PATJ: variants seen among roughly 807,000 people sequenced by gnomAD.
The protein encoded by PATJ is inaD-like protein.
PATJ carries 190 observed loss-of-function variants against 224.9 expected under a neutral mutation model. The ratio of observed to expected loss-of-function variants is 0.84; its 90% CI spans 0.75 to 0.95. PATJ has a LOEUF of 0.95. Among genes scored for constraint, PATJ ranks in the 40% least tolerant of loss-of-function variants. The pLI is 0.00. For synonymous variants in PATJ, 769 were observed against 820.3 expected (o/e 0.94, Z 1.07); for missense variants, 2,121 against 2,270.3 (o/e 0.93, Z 1.34).
intron 3 of PATJ, among the ~76,000 whole-genome samples, chr1:61,763,706 C>T (rs1646099830): frequency 6.6e-6 from 1 of 152,028 alleles, no homozygotes; most frequent in Admixed American, 6.6e-5. Flanking sequence ...GTCACTGAGG[C>T]GGGAGTGCAG....
At chr1:62,006,968 T>G (rs780031222) in intron 28 of PATJ, among the ~76,000 whole-genome samples, 14 of 152,232 alleles carry the variant, frequency 9.2e-5, no homozygotes, top group Non-Finnish European at 2.9e-5. Flanking sequence ...GTTACTGTAC[T>G]GAATACTGTA....
chr1:61,948,240 A>G (rs1240607086), intron 27 of PATJ, among the ~76,000 whole-genome samples: 3 of 152,310 alleles, frequency 2.0e-5, no homozygotes, highest in South Asian at 2.1e-4. Flanking sequence ...AAGAGCTTCT[A>G]CACAGCAAAA....
chr1:62,041,983 T>G (rs917140762), intron 30 of PATJ, among the ~76,000 whole-genome samples: 1 of 151,002 alleles, frequency 6.6e-6, no homozygotes, highest in Middle Eastern at 3.3e-3. Flanking sequence ...AAAGACTCCA[T>G]CTCAAAAATA....
At chr1:62,115,409 G>A (rs957627055) in intron 35 of PATJ, among the ~76,000 whole-genome samples, 1 of 151,946 alleles carries the variant, frequency 6.6e-6, no homozygotes, top group African/African-American at 2.4e-5. Context: ...GAGTTGGGAG[G>A]ATCGCTTGAG....
In PATJ at chr1:61,775,858, GA is replaced by G. The variant is rs1318995195; in HGVS notation, c.849+527del. On this transcript the variant is annotated intron_variant, in intron 7 of 43. Coordinates refer to ENST00000642238, the MANE Select transcript of PATJ (RefSeq NM_001350145.3). ...TGTTTCTGCTTAATTTTATATTGAA[GA>G]AATGTTAATTACTACATTTAGTTTT... Among the ~76,000 whole-genome samples the G allele has an allele frequency of 5.9e-4, 90 of 152,230 alleles. 1 individual carries two copies. The highest frequency in any genetic ancestry group is 2.0e-3 in the African/African-American group (85 of 41,548).
intron 39 of PATJ, among the ~76,000 whole-genome samples, chr1:62,124,444 C>A (rs750400821): frequency 6.6e-6 from 1 of 152,128 alleles, no homozygotes; most frequent in African/African-American, 2.4e-5. Context: ...GAAATAATGA[C>A]CCTGTTGTAA....
intron 29 of PATJ, among the ~76,000 whole-genome samples, chr1:62,032,866 G>A (rs1262099898): frequency 1.3e-5 from 2 of 152,074 alleles, no homozygotes; most frequent in Non-Finnish European, 2.9e-5. Context: ...TAATCACGGC[G>A]CAAGGGGAAG....
Position 62,106,158 on chromosome 1 carries a change from G to GTGTGTATATA in PATJ, c.4378-2278_4378-2277insGTGTATATAT, listed in dbSNP as rs1356937495. Among the ~76,000 whole-genome samples the GTGTGTATATA allele has an allele frequency of 8.9e-4, 43 of 48,060 alleles. 2 individuals are homozygous for GTGTGTATATA. The highest frequency in any genetic ancestry group is 1.3e-3 in the African/African-American group (18 of 14,188). 31.5% of individuals were successfully genotyped at this position (48,060 alleles called of 152,430 possible). Reference sequence around the variant, plus strand: ...TACATGTGTATATGTGTGTGTGTGTGTATATATATATATATATATATATAT... The same window carrying GTGTGTATATA: ...TACATGTGTATATGTGTGTGTGTGTGTGTGTATATATATATATATATATATATATATATAT... On this transcript the variant is annotated intron_variant, in intron 33 of 43. Transcript: ENST00000642238.
chr1:61,924,618 A>G (rs1674836071), intron 26 of PATJ, among the ~76,000 whole-genome samples: 1 of 152,204 alleles, frequency 6.6e-6, no homozygotes, highest in Non-Finnish European at 1.5e-5. Context: ...TATTTTCTGG[A>G]AACTCTGGGA....
intron 1 of PATJ, among the ~76,000 whole-genome samples, chr1:61,757,797 G>A (rs79317682): frequency 0.025 from 3,847 of 152,214 alleles, 148 homozygotes; most frequent in African/African-American, 0.087. Context: ...AGTAGTCTCT[G>A]TTACTACATT....
At chr1:62,155,840 G>A (rs899377590) in intron 43 of PATJ, among the ~76,000 whole-genome samples, 6 of 148,882 alleles carry the variant, frequency 4.0e-5, no homozygotes, top group African/African-American at 1.5e-4. Flanking sequence ...GGCAGATCAC[G>A]AGGTCCGGAG....
At chr1:61,851,081 T>C (rs1390881687) in intron 17 of PATJ, among the ~76,000 whole-genome samples, 1 of 152,170 alleles carries the variant, frequency 6.6e-6, no homozygotes, top group Non-Finnish European at 1.5e-5. Flanking sequence ...AGCAAACACA[T>C]TCTTGGTCTC....
At chr1:62,032,511 A>C (rs1055174467) in intron 29 of PATJ, among the ~76,000 whole-genome samples, 21 of 152,146 alleles carry the variant, frequency 1.4e-4, no homozygotes, top group African/African-American at 4.8e-4. Flanking sequence ...ATGGAAGTGA[A>C]ATTTGTCTGT....
At chr1:62,074,459 GGTCTTA>G (rs1421796117) in intron 31 of PATJ, among the ~76,000 whole-genome samples, 2 of 151,464 alleles carry the variant, frequency 1.3e-5, no homozygotes, top group Non-Finnish European at 2.9e-5. Context: ...TAAGAGTCAG[GGTCTTA>G]CTCTGTTACC....
At chr1:61,993,292 A>G (rs1323069777) in intron 28 of PATJ, among the ~76,000 whole-genome samples, 1 of 152,144 alleles carries the variant, frequency 6.6e-6, no homozygotes, top group Non-Finnish European at 1.5e-5. Context: ...GAAGAGATAG[A>G]TATACAGATT....
At chr1:62,160,859 A>AT in intron 43 of PATJ, 49 bp from the exon 44 acceptor site, 1 of 1,598,360 alleles carries the variant, frequency 6.3e-7, no homozygotes, top group Non-Finnish European at 8.6e-7. Context: ...TCAATTTAAT[A>AT]TAAACTGTGT....
rs75538354 is a variant in PATJ at position 62,023,878 on chromosome 1, A to G, written c.3959+5931A>G. On this transcript the variant is annotated intron_variant, in intron 29 of 43. Coordinates refer to ENST00000642238, the MANE Select transcript of PATJ (RefSeq NM_001350145.3). Reference sequence around the variant, plus strand: ...TCATTTTGAGGTGTTCCTTTAATGCATAGTCTGTTGAGGGTTTTTATTATG... The same window carrying G: ...TCATTTTGAGGTGTTCCTTTAATGCGTAGTCTGTTGAGGGTTTTTATTATG... 2.5e-3 allele frequency among the ~76,000 whole-genome samples: 379 copies of G among 152,218 alleles called. 7 individuals carry two copies. The East Asian group carries it at 0.059, about 24-fold the overall frequency.
intron 31 of PATJ, among the ~76,000 whole-genome samples, chr1:62,051,901 C>A (rs1295117652): frequency 6.6e-6 from 1 of 152,068 alleles, no homozygotes; most frequent in Non-Finnish European, 1.5e-5. Flanking sequence ...GCATGCATTT[C>A]CTGTTCTTTG....
intron 27 of PATJ, among the ~76,000 whole-genome samples, chr1:61,989,231 A>G (rs145340498): frequency 3.5e-4 from 54 of 152,330 alleles, no homozygotes; most frequent in African/African-American, 1.3e-3. Context: ...AGAAGTATAG[A>G]ACACCTATAA....
Sources: gnomAD v4.1 joint callset for allele counts (sites outside exome capture counted in the v4.1 genomes callset) on GRCh38, gnomAD v4.1.1 for gene constraint, MANE v1.5 for transcripts, NCBI Gene and HGNC (gene_info 2026-07-23, HGNC 2026-07-21) for gene names.